Variants in KDM4C observed in about 807,000 individuals in gnomAD.
KDM4C encodes the protein lysine demethylase 4C.
A neutral mutation model predicts 129.3 loss-of-function variants in KDM4C; 81 were observed. That is an observed-to-expected ratio of 0.63 (90% CI 0.52 to 0.75). The LOEUF (loss-of-function observed/expected upper bound fraction) is 0.75, where lower values mean the gene tolerates loss of function less well. Ranked by LOEUF, KDM4C falls within the 30% of genes least tolerant of loss-of-function variation. The probability of loss-of-function intolerance (pLI) is 0.00; values close to 1 mark genes in which losing one functional copy is unlikely to be tolerated. For synonymous variants in KDM4C, 573 were observed against 456.1 expected (o/e 1.26, Z -3.26); for missense variants, 1,457 against 1,304.0 (o/e 1.12, Z -1.81).
intron 4 of KDM4C, among the ~76,000 whole-genome samples, chr9:6,816,962 T>G (rs1187276358): frequency 6.6e-6 from 1 of 152,166 alleles, no homozygotes; most frequent in Non-Finnish European, 1.5e-5. Flanking sequence ...ATATGAATTT[T>G]TAATTGCTGA....
chr9:7,160,481 C>T (rs550325328), intron 19 of KDM4C, among the ~76,000 whole-genome samples: 6 of 152,324 alleles, frequency 3.9e-5, no homozygotes, highest in Non-Finnish European at 8.8e-5. Flanking sequence ...TACCTTTGGT[C>T]TTTGATGTTG....
intron 11 of KDM4C, 47 bp downstream of exon 11, chr9:6,986,713 G>A: frequency 7.3e-7 from 1 of 1,379,020 alleles, no homozygotes; most frequent in Non-Finnish European, 9.9e-7. Context: ...TATGGTGAGA[G>A]CACATTTTGA....
intron 4 of KDM4C, among the ~76,000 whole-genome samples, chr9:6,815,645 G>T (rs1311572761): frequency 6.6e-6 from 1 of 152,134 alleles, no homozygotes; most frequent in East Asian, 1.9e-4. Context: ...AAATCTAAAT[G>T]CTCCAGTGAG....
At position 7,055,950 on chromosome 9, in the gene KDM4C, T is replaced by G. The variant is rs547050038; in HGVS notation, c.2424+6750T>G. Among the ~76,000 whole-genome samples, 16 of 152,318 alleles carry G rather than the reference T, an allele frequency of 1.1e-4. No individual in the cohort carries two copies. In the South Asian group the frequency reaches 3.3e-3, roughly 32 times the overall value. ...AAATGTAAAGACATATTGATTATCT[T>G]TCATCATGCTAAAAGAAAAGAAGTA... On this transcript the variant is annotated intron_variant, in intron 17 of 21. Transcript: ENST00000381309.
intron 17 of KDM4C, among the ~76,000 whole-genome samples, chr9:7,058,222 CTGTT>C (rs1831141173): frequency 6.6e-6 from 1 of 152,188 alleles, no homozygotes; most frequent in Non-Finnish European, 1.5e-5. Flanking sequence ...GGATAAATCA[CTGTT>C]TGGAACAGAG....
intron 1 of KDM4C, among the ~76,000 whole-genome samples, chr9:6,764,514 C>T (rs909333127): frequency 1.1e-4 from 16 of 152,210 alleles, no homozygotes; most frequent in Admixed American, 8.5e-4. Context: ...GTGCCATACA[C>T]TGTGTCAGAT....
At chr9:6,939,205 T>C (rs946657539) in intron 8 of KDM4C, among the ~76,000 whole-genome samples, 2 of 151,880 alleles carry the variant, frequency 1.3e-5, no homozygotes, top group Admixed American at 6.5e-5. Flanking sequence ...CTGCCTGAGC[T>C]CCACCTCCTG....
chr9:6,809,927 C>G (rs548215360), intron 3 of KDM4C, among the ~76,000 whole-genome samples: 1 of 152,150 alleles, frequency 6.6e-6, no homozygotes, highest in African/African-American at 2.4e-5. Flanking sequence ...GAGGTTGATG[C>G]TACCGTGAGT....
chr9:7,018,179 T>A lies in KDM4C; in HGVS notation c.2259+2250T>A, dbSNP rs189141770. 2.9e-3 allele frequency among the ~76,000 whole-genome samples: 435 copies of A among 152,356 alleles called. 3 individuals carry two copies. Among genetic ancestry groups the A allele is most frequent in the African/African-American group, 1.0e-2 (414 of 41,592 alleles). The stretch of plus-strand genomic sequence containing the variant: ...GGTATAGCCTGCTACACACCTAGGC[T>A]GTACGATGTAGCCCATTGCTACTAA... On this transcript the variant is annotated intron_variant, in intron 15 of 21. Transcript: ENST00000381309.
intron 12 of KDM4C, among the ~76,000 whole-genome samples, chr9:7,008,820 C>G (rs573261203): frequency 6.6e-6 from 1 of 152,334 alleles, no homozygotes; most frequent in East Asian, 1.9e-4. Flanking sequence ...CGGAGGATTC[C>G]AGGAGCAAGC....
At chr9:6,930,526 A>G (rs1823479881) in intron 8 of KDM4C, among the ~76,000 whole-genome samples, 1 of 129,738 alleles carries the variant, frequency 7.7e-6, no homozygotes, top group South Asian at 2.5e-4. Context: ...CATATATAAT[A>G]TGAATATATG....
intron 8 of KDM4C, among the ~76,000 whole-genome samples, chr9:6,895,562 A>G (rs1319056984): frequency 2.0e-5 from 3 of 152,182 alleles, no homozygotes; most frequent in Non-Finnish European, 4.4e-5. Flanking sequence ...GAGGGGAAGC[A>G]TCTGCCTACT....
chr9:6,884,529 C>G (rs2381515), intron 6 of KDM4C, among the ~76,000 whole-genome samples: 1 of 151,820 alleles, frequency 6.6e-6, no homozygotes, highest in African/African-American at 2.4e-5. Context: ...TATAAAACCA[C>G]GATAAAACTT....
chr9:7,002,120 T>C (rs1401735731), intron 12 of KDM4C, among the ~76,000 whole-genome samples: 1 of 152,206 alleles, frequency 6.6e-6, no homozygotes, highest in South Asian at 2.1e-4. Flanking sequence ...CTCGAACTCC[T>C]GGCCTCAAGT....
At chr9:7,028,316 C>T (rs1483691054) in intron 15 of KDM4C, among the ~76,000 whole-genome samples, 1 of 151,696 alleles carries the variant, frequency 6.6e-6, no homozygotes, top group African/African-American at 2.4e-5. Context: ...TGGGTCTTGC[C>T]AATACTGGGT....
chr9:6,982,723 G>A (rs925839542), intron 9 of KDM4C: 4 of 152,170 alleles, frequency 2.6e-5, no homozygotes, highest in African/African-American at 9.7e-5. Flanking sequence ...TGTCATGGAT[G>A]GAAAACACAA....
intron 8 of KDM4C, among the ~76,000 whole-genome samples, chr9:6,915,596 A>G (rs1053274872): frequency 8.0e-4 from 122 of 152,212 alleles, no homozygotes; most frequent in Non-Finnish European, 9.8e-4. Flanking sequence ...CTTAAGAGAG[A>G]TAACAAAAAT....
chr9:6,860,658 G>C (rs1461290872), intron 5 of KDM4C, among the ~76,000 whole-genome samples: 5 of 152,170 alleles, frequency 3.3e-5, no homozygotes, highest in Non-Finnish European at 4.4e-5. Flanking sequence ...TGTGAGAAGA[G>C]ACATAGAGTC....
intron 6 of KDM4C, among the ~76,000 whole-genome samples, chr9:6,882,705 TA>T (rs1844638624): frequency 1.3e-5 from 2 of 152,188 alleles, no homozygotes. Context: ...AAAAAAGCAG[TA>T]TTTAGCAAAA....
Sources: allele counts gnomAD v4.1 joint callset (sites outside exome capture counted in the v4.1 genomes callset), GRCh38; gene constraint gnomAD v4.1.1; transcripts MANE v1.5; gene names NCBI Gene and HGNC (gene_info 2026-07-23, HGNC 2026-07-21).